TTL: variants seen among roughly 807,000 people sequenced by gnomAD.
TTL encodes the protein tubulin tyrosine ligase, also known as tubulin--tyrosine ligase.
TTL carries 10 observed loss-of-function variants against 41.1 expected under a neutral mutation model. The observed-to-expected ratio is 0.24, with a 90% CI of 0.15 to 0.41. The LOEUF (loss-of-function observed/expected upper bound fraction) is 0.41, where lower values mean the gene tolerates loss of function less well. Ranked by LOEUF, TTL falls within the 10% of genes least tolerant of loss-of-function variation. The probability of loss-of-function intolerance (pLI) is 1.00; values close to 1 mark genes in which losing one functional copy is unlikely to be tolerated. For missense variants in TTL, 367 were observed against 460.4 expected, an observed-to-expected ratio of 0.80 and a Z score of 1.86; for synonymous variants, 175 against 175.5, an observed-to-expected ratio of 1.00 and a Z score of 0.02.
chr2:112,510,882 T>C (rs532039973), intron 5 of TTL, among the ~76,000 whole-genome samples: 42 of 152,320 alleles, frequency 2.8e-4, no homozygotes, highest in African/African-American at 9.9e-4. Flanking sequence ...TATCCAGATA[T>C]TAGGTCAGGA....
At position 112,528,908 on chromosome 2, in the gene TTL, G is replaced by T. The variant is rs184967361; in HGVS notation, c.*113G>T. ...ACAGCAGGGGAAAGAAAGGCAACTC[G>T]CAAAGATGAGATGGAAGAAGGCACG... On this transcript the variant is annotated 3_prime_UTR_variant, in exon 7 of 7. Transcript: ENST00000233336. The T allele has an allele frequency of 1.8e-5, 16 of 864,946 alleles. No homozygotes were observed. The Admixed American group carries it at 2.1e-4, about 12-fold the overall frequency. The allele number at this position is 864,946 out of a possible 1,614,324, so 53.6% of individuals were successfully genotyped here. A position where few individuals can be genotyped will look rare whatever the true frequency, so the allele number is the denominator to read the frequency against.
rs1376800574 is a variant in TTL, at chr2:112,540,091, G to C, written c.*11296G>C. The C allele has an allele frequency of 6.6e-6, 1 of 152,144 alleles. No individual in the cohort carries two copies. Among genetic ancestry groups the C allele is most frequent in the African/African-American group, 2.4e-5 (1 of 41,430 alleles). 9.4% of individuals were successfully genotyped at this position (152,144 alleles called of 1,614,324 possible). ...TTAGGATGAAAATAGGCCCCAAATT[G>C]ATCTACCAATTGAACACAATCCTGA... is the stretch of plus-strand genomic sequence containing the variant. On this transcript the variant is annotated 3_prime_UTR_variant, in exon 7 of 7. Transcript: ENST00000233336.
At chr2:112,509,964 C>G (rs184525873) in intron 5 of TTL, among the ~76,000 whole-genome samples, 2 of 152,254 alleles carry the variant, frequency 1.3e-5, no homozygotes, top group Admixed American at 6.5e-5. Context: ...TTTGCTTGGA[C>G]AGATTGACTA....
chr2:112,503,621 C>T (rs1559015020), intron 5 of TTL, among the ~76,000 whole-genome samples: 2 of 144,722 alleles, frequency 1.4e-5, no homozygotes, highest in Non-Finnish European at 1.5e-5. Context: ...TTAGTAGAGA[C>T]AGGGTTTCTC....
chr2:112,498,023 T>G (rs1372556867), intron 3 of TTL, among the ~76,000 whole-genome samples: 1 of 152,108 alleles, frequency 6.6e-6, no homozygotes, highest in East Asian at 1.9e-4. Context: ...AAACCAAAGT[T>G]AAAAACACAA....
rs779959386 is a variant in TTL at position 112,502,927 on chromosome 2, G to A, written c.621G>A (p.Val207=). The A allele has an allele frequency of 1.2e-6, 2 of 1,606,814 alleles. No individual in the cohort carries two copies. Among genetic ancestry groups the A allele is most frequent in the Non-Finnish European group, 1.7e-6 (2 of 1,175,446 alleles). The stretch of plus-strand genomic sequence containing the variant: ...TGAATTGCAGAAGCTGGGTCTTGGT[G>A]GATCATCAGTATAATATCTACCTCT... The part of the protein sequence containing the change: ...RKFDIRSWVL[V]DHQYNIYLYR... Residue 207 remains valine (V), a synonymous_variant, in exon 5 of 7, where the codon GTG becomes GTA. Transcript: ENST00000233336.
chr2:112,526,478 C>G (rs1049421916), intron 6 of TTL, among the ~76,000 whole-genome samples: 19 of 152,150 alleles, frequency 1.2e-4, no homozygotes, highest in African/African-American at 4.3e-4. Context: ...AGTTATTGGT[C>G]TATTCAGGGA....
At position 112,540,324 on chromosome 2, in the gene TTL, C is replaced by G. The variant is rs986345432; in HGVS notation, c.*11529C>G. 2.0e-5 allele frequency: 3 copies of G among 151,752 alleles called. No individual in the cohort carries two copies. The highest frequency in any genetic ancestry group is 4.4e-5 in the Non-Finnish European group (3 of 68,016). 9.4% of individuals were successfully genotyped at this position (151,752 alleles called of 1,614,324 possible). On this transcript the variant is annotated 3_prime_UTR_variant, in exon 7 of 7. Transcript: ENST00000233336. ...TGGTGGTGCATGCCTGTAATCTCAGCTATTTGGGAGGCTGAGGCAGGAGGT... is the reference window on the plus strand; with the variant it reads ...TGGTGGTGCATGCCTGTAATCTCAGGTATTTGGGAGGCTGAGGCAGGAGGT...
chr2:112,502,455 G>A (rs372517717), intron 4 of TTL, among the ~76,000 whole-genome samples: 1 of 152,074 alleles, frequency 6.6e-6, no homozygotes, highest in South Asian at 2.1e-4. Flanking sequence ...TGGCTAACAT[G>A]GTGAAACCCT....
chr2:112,483,110 T>C (rs1681140187), intron 1 of TTL: 1 of 152,252 alleles, frequency 6.6e-6, no homozygotes, highest in Non-Finnish European at 1.5e-5. Context: ...AAACCTTTCC[T>C]TAGTTTCACC....
Position 112,510,659 on chromosome 2 carries a change from C to T in TTL, c.875+7478C>T, listed in dbSNP as rs142976295. 5.4e-3 allele frequency among the ~76,000 whole-genome samples: 828 copies of T among 152,032 alleles called. 7 individuals are homozygous for T. Among genetic ancestry groups the T allele is most frequent in the African/African-American group, 0.017 (698 of 41,472 alleles). The stretch of plus-strand genomic sequence containing the variant: ...GCTAATTTTGTATTTTTAGGAGACA[C>T]GGGGTTTCTCCATGTTGGTCAGGAT... On this transcript the variant is annotated intron_variant, in intron 5 of 6. Transcript: ENST00000233336.
At chr2:112,492,042 G>A (rs1681401890) in intron 2 of TTL, among the ~76,000 whole-genome samples, 1 of 152,144 alleles carries the variant, frequency 6.6e-6, no homozygotes, top group South Asian at 2.1e-4. Flanking sequence ...AGCTAGCACT[G>A]TAATTCATGC....
rs1317953940 is a variant in TTL at position 112,540,792 on chromosome 2, TAA to T, written c.*11999_*12000del. ...AACTGGATATCCACATGCAAAGGAA[TAA>T]AGTGATATGCCTTTCTCACACCATA... On this transcript the variant is annotated 3_prime_UTR_variant, in exon 7 of 7. Coordinates refer to ENST00000233336, the MANE Select transcript of TTL (RefSeq NM_153712.5). 5.3e-5 allele frequency: 8 copies of T among 152,252 alleles called. No individual in the cohort carries two copies. The highest frequency in any genetic ancestry group is 1.9e-4 in the African/African-American group (8 of 41,470). 9.4% of individuals were successfully genotyped at this position (152,252 alleles called of 1,614,324 possible).
In TTL at chr2:112,522,916, C is replaced by T. The variant is rs377220107; in HGVS notation, c.1019+2491C>T. ...GGCATGGAGCCTTCTAACTGGGGTG[C>T]ACTTCTGCTCTTGCCCCAGTGAAAT... On this transcript the variant is annotated intron_variant, in intron 6 of 6. Transcript: ENST00000233336. 9.9e-5 allele frequency among the ~76,000 whole-genome samples: 15 copies of T among 152,204 alleles called. 2 individuals are homozygous for T. The highest frequency in any genetic ancestry group is 9.2e-4 in the Admixed American group (14 of 15,280).
Position 112,482,491 on chromosome 2 carries a change from C to T in TTL, c.147C>T (p.Phe49=). The change falls in exon 1 of 7, where the codon TTC becomes TTT. Residue 49 remains phenylalanine (F), a synonymous_variant. Transcript: ENST00000233336. The surrounding 1 kb of genome is among the most constrained non-coding windows in gnomAD (Gnocchi z 5.3). ...TGGGAGAGAGGAATCGGCTGCCCTTCGGGAGACTGGGTGAGCCCCTCCCCG... is the reference window on the plus strand; with the variant it reads ...TGGGAGAGAGGAATCGGCTGCCCTTTGGGAGACTGGGTGAGCCCCTCCCCG... ...LMLGERNRLP[F]GRLGHEPGLV... 6.2e-7 allele frequency: 1 copy of T among 1,607,306 alleles called. No individual in the cohort carries two copies.
chr2:112,502,262 C>T (rs1186676974), intron 4 of TTL, among the ~76,000 whole-genome samples: 2 of 152,186 alleles, frequency 1.3e-5, no homozygotes, highest in African/African-American at 4.8e-5. Context: ...TAGGTCAGAT[C>T]ATCTTCAGGA....
At position 112,531,411 on chromosome 2, in the gene TTL, A is replaced by G. The variant is rs1682505913; in HGVS notation, c.*2616A>G. 2 of 229,172 alleles carry G rather than the reference A, an allele frequency of 8.7e-6. No individual in the cohort carries two copies. The highest frequency in any genetic ancestry group is 1.7e-5 in the Non-Finnish European group (2 of 115,386). 14.2% of individuals were successfully genotyped at this position (229,172 alleles called of 1,614,324 possible). ...AGTTTCTTAGCCCATGAAAGAGATC[A>G]TTGCCTGACCCAGGGACTACCTCAA... On this transcript the variant is annotated 3_prime_UTR_variant, in exon 7 of 7. Transcript: ENST00000233336.
rs1202419187 is a variant in TTL at position 112,540,447 on chromosome 2, AAAGAG to A, written c.*11655_*11659del. 6.7e-6 allele frequency: 1 copy of A among 150,150 alleles called. No homozygotes were observed. Among genetic ancestry groups the A allele is most frequent in the Non-Finnish European group, 1.5e-5 (1 of 67,250 alleles). The allele number at this position is 150,150 out of a possible 1,614,324, so 9.3% of individuals were successfully genotyped here. ...AAAACAAAAAACAAAAAAAAAAAAAAAAGAGAAAGAAATTGACAAGCTAAGCTGAC... is the reference window on the plus strand; with the variant it reads ...AAAACAAAAAACAAAAAAAAAAAAAAAAAGAAATTGACAAGCTAAGCTGAC... On this transcript the variant is annotated 3_prime_UTR_variant, in exon 7 of 7. Transcript: ENST00000233336.
intron 3 of TTL, among the ~76,000 whole-genome samples, chr2:112,499,225 G>T (rs930967925): frequency 6.6e-6 from 1 of 152,142 alleles, no homozygotes; most frequent in Non-Finnish European, 1.5e-5. Context: ...TGAGGCATGA[G>T]AATTGCTTGA....
Sources: gnomAD v4.1 joint callset for allele counts (sites outside exome capture counted in the v4.1 genomes callset) on GRCh38, gnomAD v4.1.1 for gene constraint, Gnocchi (gnomAD v3.1) non-coding constraint, MANE v1.5 for transcripts, NCBI Gene and HGNC (gene_info 2026-07-23, HGNC 2026-07-21) for gene names.